MARCHF8: variants seen among roughly 807,000 people sequenced by gnomAD.
MARCHF8 encodes the protein E3 ubiquitin-protein ligase MARCHF8.
MARCHF8 carries 40 observed loss-of-function variants against 51.6 expected under a neutral mutation model. The ratio of observed to expected loss-of-function variants is 0.77; its 90% CI spans 0.60 to 1.01. The LOEUF (loss-of-function observed/expected upper bound fraction) is 1.01, where lower values mean the gene tolerates loss of function less well. Ranked by LOEUF, MARCHF8 falls within the 50% of genes least tolerant of loss-of-function variation. The probability of loss-of-function intolerance (pLI) is 0.00; values close to 1 mark genes in which losing one functional copy is unlikely to be tolerated. For synonymous variants in MARCHF8, 263 were observed against 280.3 expected (o/e 0.94, Z 0.62); for missense variants, 685 against 708.6 (o/e 0.97, Z 0.38).
chr10:45,500,004 A>C (rs1023676959), intron 2 of MARCHF8, among the ~76,000 whole-genome samples: 6 of 152,216 alleles, frequency 3.9e-5, no homozygotes, highest in African/African-American at 1.4e-4. Flanking sequence ...GATTATACCG[A>C]ATATACAGAT....
intron 1 of MARCHF8, among the ~76,000 whole-genome samples, chr10:45,563,375 G>C (rs1438439836): frequency 2.6e-5 from 4 of 152,122 alleles, no homozygotes; most frequent in Non-Finnish European, 5.9e-5. Flanking sequence ...CATGATATGA[G>C]TATATGCAGG....
At position 45,456,056 on chromosome 10, in the gene MARCHF8, G is replaced by A. The variant is rs1416971287; in HGVS notation, c.*2183C>T. 6.6e-6 allele frequency: 1 copy of A among 152,262 alleles called. No individual in the cohort carries two copies. The highest frequency in any genetic ancestry group is 2.4e-5 in the African/African-American group (1 of 41,456). 9.4% of individuals were successfully genotyped at this position (152,262 alleles called of 1,614,324 possible). A position where few individuals can be genotyped will look rare whatever the true frequency, so the allele number is the denominator to read the frequency against. On this transcript the variant is annotated 3_prime_UTR_variant, in exon 8 of 8. Coordinates refer to ENST00000453424, the MANE Select transcript of MARCHF8 (RefSeq NM_001282866.2). ...CATAAGGGGTTCCATATGTGAAGTG[G>A]GGATTCACACTTAGAAAATCTATCC...
intron 1 of MARCHF8, among the ~76,000 whole-genome samples, chr10:45,575,440 C>T (rs543633641): frequency 8.5e-5 from 13 of 152,270 alleles, no homozygotes; most frequent in Non-Finnish European, 1.8e-4. Context: ...TTTAGTTTTT[C>T]AATTCATACA....
intron 1 of MARCHF8, among the ~76,000 whole-genome samples, chr10:45,548,540 T>C (rs542292299): frequency 2.0e-4 from 30 of 152,272 alleles, no homozygotes; most frequent in African/African-American, 6.7e-4. Context: ...AATTATGGAA[T>C]AGCCACAGTA....
At chr10:45,592,637 G>C (rs2044693976) in intron 1 of MARCHF8, among the ~76,000 whole-genome samples, 1 of 152,160 alleles carries the variant, frequency 6.6e-6, no homozygotes, top group African/African-American at 2.4e-5. Context: ...AAGGGAAAAA[G>C]AAACAAACCA....
intron 1 of MARCHF8, among the ~76,000 whole-genome samples, chr10:45,565,107 A>T (rs990668184): frequency 5.9e-5 from 9 of 152,134 alleles, no homozygotes; most frequent in African/African-American, 2.2e-4. Context: ...AAGCAATAAC[A>T]ACACTGTATC....
intron 1 of MARCHF8, among the ~76,000 whole-genome samples, chr10:45,585,409 G>C (rs1288818279): frequency 1.3e-5 from 2 of 152,100 alleles, no homozygotes; most frequent in African/African-American, 2.4e-5. Flanking sequence ...AGACACCAAT[G>C]AACTACGGCC....
intron 1 of MARCHF8, among the ~76,000 whole-genome samples, chr10:45,578,174 C>T (rs1388698428): frequency 6.6e-6 from 1 of 152,072 alleles, no homozygotes; most frequent in Non-Finnish European, 1.5e-5. Context: ...TCTTGATTTC[C>T]AAATACCATT....
chr10:45,544,020 A>C (rs1279218338), intron 1 of MARCHF8, among the ~76,000 whole-genome samples: 1 of 152,062 alleles, frequency 6.6e-6, no homozygotes, highest in African/African-American at 2.4e-5. Flanking sequence ...GTGAGCTATG[A>C]TCACAACACT....
chr10:45,564,052 G>A (rs2044338648), intron 1 of MARCHF8, among the ~76,000 whole-genome samples: 4 of 152,336 alleles, frequency 2.6e-5, no homozygotes, highest in Non-Finnish European at 5.9e-5. Context: ...GTGGCAGGTG[G>A]ATCACCTGAG....
At chr10:45,536,846 A>G (rs2043977653), upstream of MARCHF8, among the ~76,000 whole-genome samples, 1 of 142,020 alleles carries the variant, frequency 7.0e-6, no homozygotes, top group South Asian at 2.2e-4. Flanking sequence ...AATAATAATA[A>G]TAATAATAAT....
chr10:45,519,792 G>A (rs1169054054), intron 2 of MARCHF8, among the ~76,000 whole-genome samples: 1 of 152,228 alleles, frequency 6.6e-6, no homozygotes. Context: ...CTGAAATACA[G>A]CAGTAGCACC....
chr10:45,566,761 A>C (rs2044369373), intron 1 of MARCHF8, among the ~76,000 whole-genome samples: 1 of 56,682 alleles, frequency 1.8e-5, no homozygotes. Context: ...TGATATATTG[A>C]TTTCTTTCTG....
chr10:45,495,176 T>A (rs531158319), intron 2 of MARCHF8, among the ~76,000 whole-genome samples: 2 of 152,172 alleles, frequency 1.3e-5, no homozygotes, highest in South Asian at 4.1e-4. Context: ...TTGGATTATG[T>A]AGGGTTTTAT....
intron 3 of MARCHF8, among the ~76,000 whole-genome samples, chr10:45,471,521 A>T (rs1300446507): frequency 6.6e-6 from 1 of 152,276 alleles, no homozygotes; most frequent in African/African-American, 2.4e-5. Flanking sequence ...TGAGTTACTT[A>T]TCACTCACAA....
At chr10:45,469,648 G>A (rs1422140421) in intron 3 of MARCHF8, among the ~76,000 whole-genome samples, 4 of 151,910 alleles carry the variant, frequency 2.6e-5, no homozygotes, top group South Asian at 4.2e-4. Flanking sequence ...GGCGGATCAC[G>A]AGGTCAGGAG....
chr10:45,575,756 T>C (rs2044482773), intron 1 of MARCHF8, among the ~76,000 whole-genome samples: 1 of 152,168 alleles, frequency 6.6e-6, no homozygotes, highest in Non-Finnish European at 1.5e-5. Context: ...CCTGCACATA[T>C]ATATCCGGAT....
At chr10:45,540,492 C>A (rs574145662) in intron 1 of MARCHF8, among the ~76,000 whole-genome samples, 2 of 152,102 alleles carry the variant, frequency 1.3e-5, no homozygotes, top group Admixed American at 1.3e-4. Flanking sequence ...CAATACCATT[C>A]AGGACATAGG....
chr10:45,504,639 A>G (rs971880822), intron 2 of MARCHF8, among the ~76,000 whole-genome samples: 1 of 152,194 alleles, frequency 6.6e-6, no homozygotes, highest in Non-Finnish European at 1.5e-5. Flanking sequence ...GAATCTAACA[A>G]CAAAACACCA....
Sources: allele counts gnomAD v4.1 joint callset (sites outside exome capture counted in the v4.1 genomes callset), GRCh38; gene constraint gnomAD v4.1.1; transcripts MANE v1.5; gene names NCBI Gene and HGNC (gene_info 2026-07-23, HGNC 2026-07-21).